The following GLT6D1 variants were observed in gnomAD, a reference collection of about 807,000 sequenced individuals.
GLT6D1 encodes the protein putative glycosyltransferase 6 domain-containing protein 1.
GLT6D1 carries 9 observed loss-of-function variants against 12.3 expected under a neutral mutation model. The ratio of observed to expected loss-of-function variants is 0.73; its 90% CI spans 0.44 to 1.27. The LOEUF is 1.27. Among genes scored for constraint, GLT6D1 ranks in the 50% most tolerant of loss-of-function variants. The probability of loss-of-function intolerance (pLI) is 0.00; values close to 1 mark genes in which losing one functional copy is unlikely to be tolerated. For synonymous variants in GLT6D1, 128 were observed against 132.3 expected, an observed-to-expected ratio of 0.97 and a Z score of 0.23; for missense variants, 335 against 346.2, an observed-to-expected ratio of 0.97 and a Z score of 0.26.
At chr9:135,625,509 A>G (rs993776862) in intron 4 of GLT6D1, among the ~76,000 whole-genome samples, 2 of 152,198 alleles carry the variant, frequency 1.3e-5, no homozygotes, top group Non-Finnish European at 2.9e-5. Context: ...GCCCTCACCC[A>G]AACCAAAAAA....
intron 2 of GLT6D1, among the ~76,000 whole-genome samples, chr9:135,635,945 T>C (rs968886552): frequency 6.6e-6 from 1 of 152,194 alleles, no homozygotes; most frequent in African/African-American, 2.4e-5. Context: ...GATTCAAATA[T>C]ACATGTATAG....
At chr9:135,635,252 C>T (rs953737747) in intron 2 of GLT6D1, among the ~76,000 whole-genome samples, 9 of 152,186 alleles carry the variant, frequency 5.9e-5, no homozygotes, top group Non-Finnish European at 1.3e-4. Context: ...CTTTGGCCAT[C>T]GGGAGCTCTC....
chr9:135,631,336 A>C, intron 3 of GLT6D1, 95 bp downstream of exon 3: 16 of 950,300 alleles, frequency 1.7e-5, no homozygotes, highest in Non-Finnish European at 2.6e-5. Flanking sequence ...ACGTCCCAGG[A>C]GAGCTGAATT....
At chr9:135,631,524 T>C in intron 2 of GLT6D1, 46 bp from the exon 3 acceptor site, 2 of 1,432,318 alleles carry the variant, frequency 1.4e-6, no homozygotes, top group Non-Finnish European at 2.0e-6. Context: ...GCCTGTTCAA[T>C]GTTTATTGAG....
Position 135,624,488 on chromosome 9 carries a change from G to T in GLT6D1, c.440C>A (p.Pro147His), listed in dbSNP as rs762869767. ...ACCCAGGCTCTTCACATGCACCAGGGGGCCATCGAGCCACCACCTCTCGGT... is the reference window on the plus strand; with the variant it reads ...ACCCAGGCTCTTCACATGCACCAGGTGGCCATCGAGCCACCACCTCTCGGT... Reference protein sequence around the residue: ...VGTERWWLDGPLVHVKSLGEH... With the variant: ...VGTERWWLDGHLVHVKSLGEH... The change falls in exon 5 of 5, where the codon CCC becomes CAC. Residue 147 changes from proline to histidine, a missense_variant. Transcript: ENST00000371763. 2 of 1,608,258 alleles carry T rather than the reference G, an allele frequency of 1.2e-6. No homozygotes were observed. Among genetic ancestry groups the T allele is most frequent in the South Asian group, 1.1e-5 (1 of 90,696 alleles).
At chr9:135,631,241 C>T (rs1215204498) in intron 3 of GLT6D1, among the ~76,000 whole-genome samples, 190 bp downstream of exon 3, 1 of 152,234 alleles carries the variant, frequency 6.6e-6, no homozygotes, top group Non-Finnish European at 1.5e-5. Flanking sequence ...TCTGCTTCTT[C>T]ATGACCACAA....
At chr9:135,640,562 A>G (rs961106708), upstream of GLT6D1, among the ~76,000 whole-genome samples, 1 of 151,958 alleles carries the variant, frequency 6.6e-6, no homozygotes, top group African/African-American at 2.4e-5. Flanking sequence ...TCTACTAAAA[A>G]TACAAAAATT....
chr9:135,624,045 T>C lies in GLT6D1; in HGVS notation c.*52A>G. 9.0e-7 allele frequency: 1 copy of C among 1,111,930 alleles called. No homozygotes were observed. The allele number at this position is 1,111,930 out of a possible 1,614,324, so 68.9% of individuals were successfully genotyped here. ...TCATGTGCGACCTTGACGTATTGGATCTGTGGAGGAGGAGAAAATGCAAGA... is the reference window on the plus strand; with the variant it reads ...TCATGTGCGACCTTGACGTATTGGACCTGTGGAGGAGGAGAAAATGCAAGA... On this transcript the variant is annotated 3_prime_UTR_variant, in exon 5 of 5. Coordinates refer to ENST00000371763, the MANE Select transcript of GLT6D1 (RefSeq NM_182974.3).
At chr9:135,627,490 T>C (rs1833549044) in intron 3 of GLT6D1, among the ~76,000 whole-genome samples, 1 of 152,246 alleles carries the variant, frequency 6.6e-6, no homozygotes, top group Non-Finnish European at 1.5e-5. Flanking sequence ...TCTGTCTCTG[T>C]AGATTTGCCT....
chr9:135,633,781 G>GA (rs951107291), intron 2 of GLT6D1, among the ~76,000 whole-genome samples: 15 of 148,778 alleles, frequency 1.0e-4, no homozygotes, highest in South Asian at 6.4e-4. Flanking sequence ...TTAAATAAAT[G>GA]AAAAAAAAAT....
At chr9:135,631,130 C>T (rs951765982) in intron 3 of GLT6D1, among the ~76,000 whole-genome samples, 10 of 152,200 alleles carry the variant, frequency 6.6e-5, no homozygotes, top group African/African-American at 2.4e-4. Flanking sequence ...CTGAGTGCTG[C>T]CACCAAAGTC....
chr9:135,626,734 C>T (rs1245795312), intron 3 of GLT6D1, among the ~76,000 whole-genome samples: 2 of 152,162 alleles, frequency 1.3e-5, no homozygotes, highest in Admixed American at 6.5e-5. Context: ...GCTTCTCCCT[C>T]ATGCTTTAGG....
rs766389426 is a variant in GLT6D1, at chr9:135,624,345, G to A, written c.583C>T (p.His195Tyr). The change falls in exon 5 of 5, where the codon CAC (histidine) becomes TAC (tyrosine). Residue 195 changes from histidine (H) to tyrosine (Y), a missense_variant. Coordinates refer to ENST00000371763, the MANE Select transcript of GLT6D1 (RefSeq NM_182974.3). The stretch of plus-strand genomic sequence containing the variant: ...GTGTTTCTGAAATACCACCAGGCGT[G>A]GAGCTGGGCCACCAACGGGCCCAGG... ...ETLGPLVAQL[H>Y]AWWYFRNTKN... is the part of the protein sequence containing the mutation. 7 of 1,613,316 alleles carry A rather than the reference G, an allele frequency of 4.3e-6. No homozygotes were observed. Among genetic ancestry groups the A allele is most frequent in the African/African-American group, 2.7e-5 (2 of 74,890 alleles).
chr9:135,639,078 A>G (rs755234706), intron 2 of GLT6D1, 39 bp downstream of exon 2: 60 of 1,090,012 alleles, frequency 5.5e-5, no homozygotes, highest in Non-Finnish European at 7.6e-5. Context: ...ACCTCTGCCA[A>G]TCACTAAAGA....
At chr9:135,627,002 C>G (rs369140694) in intron 3 of GLT6D1, among the ~76,000 whole-genome samples, 1 of 152,196 alleles carries the variant, frequency 6.6e-6, no homozygotes, top group African/African-American at 2.4e-5. Context: ...GGAATCCCCT[C>G]AACTTGACAA....
At chr9:135,640,223 T>A (rs1022446076), upstream of GLT6D1, among the ~76,000 whole-genome samples, 7 of 152,098 alleles carry the variant, frequency 4.6e-5, no homozygotes, top group Admixed American at 3.3e-4. Flanking sequence ...ACAAAACACA[T>A]GGGGTCTCAA....
chr9:135,635,986 T>TG (rs953206119), intron 2 of GLT6D1, among the ~76,000 whole-genome samples: 2 of 138,592 alleles, frequency 1.4e-5, no homozygotes, highest in African/African-American at 2.6e-5. Context: ...CATATTCCTG[T>TG]GGGAAAAAAC....
intron 3 of GLT6D1, among the ~76,000 whole-genome samples, chr9:135,629,770 T>A (rs574766395): frequency 6.6e-6 from 1 of 152,354 alleles, no homozygotes; most frequent in South Asian, 2.1e-4. Context: ...AGGACTGTTA[T>A]TAGATGCAAA....
chr9:135,640,779 G>A (rs1249056504), upstream of GLT6D1, among the ~76,000 whole-genome samples: 1 of 152,096 alleles, frequency 6.6e-6, no homozygotes, highest in African/African-American at 2.4e-5. Context: ...ATATTTCTAT[G>A]GGGCAGTTCT....
Sources: gnomAD v4.1 joint callset for allele counts (sites outside exome capture counted in the v4.1 genomes callset) on GRCh38, gnomAD v4.1.1 for gene constraint, MANE v1.5 for transcripts, NCBI Gene and HGNC (gene_info 2026-07-23, HGNC 2026-07-21) for gene names.